KCNK17: variants seen among roughly 807,000 people sequenced by gnomAD.
KCNK17 encodes potassium channel subfamily K member 17.
KCNK17 carries 27 observed loss-of-function variants against 24.6 expected under a neutral mutation model. The ratio of observed to expected loss-of-function variants is 1.10; its 90% CI spans 0.81 to 1.51. KCNK17 has a LOEUF of 1.51. KCNK17 is among the 40% of genes most tolerant of loss of function. The pLI is 0.00. For synonymous variants in KCNK17, 181 were observed against 189.8 expected, an observed-to-expected ratio of 0.95 and a Z score of 0.38; for missense variants, 450 against 436.6, an observed-to-expected ratio of 1.03 and a Z score of -0.27.
Position 39,299,595 on chromosome 6 carries a change from G to A in KCNK17, c.831C>T (p.Cys277=), listed in dbSNP as rs963168160. The A allele has an allele frequency of 1.2e-6, 2 of 1,614,002 alleles. No individual in the cohort carries two copies. Among genetic ancestry groups the A allele is most frequent in the African/African-American group, 2.7e-5 (2 of 74,892 alleles). The stretch of plus-strand genomic sequence containing the variant: ...TGAAGTCTTCCTTAGAGCTGTGGTG[G>A]CAGCAGGAACATACCCTCCCTGGCG... The part of the protein sequence containing the change: ...LETPGRVCSC[C]HHSSKEDFKS... The change falls in exon 5 of 5, where the codon TGC becomes TGT. Residue 277 remains cysteine (C), a synonymous_variant. Coordinates refer to ENST00000373231, the MANE Select transcript of KCNK17 (RefSeq NM_031460.4).
chr6:39,301,973 C>T (rs1761958553), intron 4 of KCNK17, among the ~76,000 whole-genome samples: 1 of 152,194 alleles, frequency 6.6e-6, no homozygotes, highest in Non-Finnish European at 1.5e-5. Flanking sequence ...GTGAAGGGCC[C>T]AGGCTTGGGA....
In KCNK17 at chr6:39,299,705, A is replaced by G. The variant is rs1583762290; in HGVS notation, c.721T>C (p.Tyr241His). 1.2e-6 allele frequency: 2 copies of G among 1,613,990 alleles called. No homozygotes were observed. The highest frequency in any genetic ancestry group is 2.7e-5 in the African/African-American group (2 of 74,912). The part of the protein sequence containing the change: ...MNPSQRYPLW[Y>H]KNMVSLWILF... ...ATCCACAGGGACACCATGTTCTTGT[A>G]CCACAGTGGGTACCTCTGGGAGGGG... Residue 241 changes from tyrosine (Y) to histidine (H), a missense_variant, in exon 5 of 5, where the codon TAC becomes CAC. By Grantham distance (83) the Tyr-to-His change is moderately conservative. Coordinates refer to ENST00000373231, the MANE Select transcript of KCNK17 (RefSeq NM_031460.4).
At chr6:39,313,993 GC>G in intron 1 of KCNK17, 90 bp downstream of exon 1, 2 of 973,204 alleles carry the variant, frequency 2.1e-6, no homozygotes. Context: ...CCTGACCAGG[GC>G]CTGAATAGGC....
At chr6:39,301,581 G>T (rs1761951612) in intron 4 of KCNK17, among the ~76,000 whole-genome samples, 1 of 152,254 alleles carries the variant, frequency 6.6e-6, no homozygotes, top group Admixed American at 6.5e-5. Context: ...AGCTTGGCTT[G>T]CTCCTGGTGA....
chr6:39,303,162 C>A (rs1226057668), intron 4 of KCNK17, among the ~76,000 whole-genome samples: 1 of 152,208 alleles, frequency 6.6e-6, no homozygotes, highest in Non-Finnish European at 1.5e-5. Context: ...TTCTTCCAGG[C>A]TGGGTTCTGT....
At position 39,299,096 on chromosome 6, in the gene KCNK17, GACTCTTCCTATC is replaced by G; in HGVS notation, c.*319_*330del. On this transcript the variant is annotated 3_prime_UTR_variant, in exon 5 of 5. Transcript: ENST00000373231. ...TGGCTCTGTGATCATCAGAGATCCA[GACTCTTCCTATC>G]TTATTGTGCCGCTCAAACATTGCCG... 3.2e-6 allele frequency: 1 copy of G among 311,726 alleles called. No individual in the cohort carries two copies. The highest frequency in any genetic ancestry group is 2.1e-5 in the African/African-American group (1 of 47,700). 19.3% of individuals were successfully genotyped at this position (311,726 alleles called of 1,614,324 possible). A position where few individuals can be genotyped will look rare whatever the true frequency, so the allele number is the denominator to read the frequency against.
At chr6:39,304,934 C>T (rs1762010405) in intron 2 of KCNK17, among the ~76,000 whole-genome samples, 1 of 152,248 alleles carries the variant, frequency 6.6e-6, no homozygotes, top group Non-Finnish European at 1.5e-5. Context: ...AAGCTGCATG[C>T]ATGAGCTCAA....
intron 1 of KCNK17, among the ~76,000 whole-genome samples, chr6:39,313,667 G>C (rs28680400): frequency 0.018 from 2,758 of 152,300 alleles, 74 homozygotes; most frequent in African/African-American, 0.058. Flanking sequence ...TGCCACGGGT[G>C]CGGGTGCGAC....
At chr6:39,308,163 G>A (rs1195438215) in intron 2 of KCNK17, among the ~76,000 whole-genome samples, 1 of 152,168 alleles carries the variant, frequency 6.6e-6, no homozygotes, top group Non-Finnish European at 1.5e-5. Flanking sequence ...CCTCACACTA[G>A]AATGTCAGCT....
intron 1 of KCNK17, 82 bp downstream of exon 1, chr6:39,313,988 CCAGGGCCTGAATAG>C: frequency 1.1e-6 from 1 of 932,144 alleles, no homozygotes. Flanking sequence ...AAACACCTGA[CCAGGGCCTGAATAG>C]GCCCCCTCGC....
In KCNK17 at chr6:39,299,611, C is replaced by A. The variant is rs747419286; in HGVS notation, c.815G>T (p.Arg272Met). 2 of 1,614,164 alleles carry A rather than the reference C, an allele frequency of 1.2e-6. No individual in the cohort carries two copies. The highest frequency in any genetic ancestry group is 3.3e-5 in the Admixed American group (2 of 60,016). ...GCTGTGGTGGCAGCAGGAACATACC[C>A]TCCCTGGCGTCTCCAGCTGGGAGAG... ...LILSQLETPG[R>M]VCSCCHHSSK... The change falls in exon 5 of 5, where the codon AGG (arginine) becomes ATG (methionine). Residue 272 changes from arginine to methionine, a missense_variant. Coordinates refer to ENST00000373231, the MANE Select transcript of KCNK17 (RefSeq NM_031460.4).
At chr6:39,310,092 C>A (rs1268591912) in intron 2 of KCNK17, among the ~76,000 whole-genome samples, 1 of 152,164 alleles carries the variant, frequency 6.6e-6, no homozygotes, top group African/African-American at 2.4e-5. Flanking sequence ...GAGGCGGTAG[C>A]CCAAGTCACC....
chr6:39,306,337 C>T (rs1318610026), intron 2 of KCNK17, among the ~76,000 whole-genome samples: 1 of 152,210 alleles, frequency 6.6e-6, no homozygotes, highest in South Asian at 2.1e-4. Flanking sequence ...AGCCACCGCA[C>T]CCGGCCTGGG....
At chr6:39,306,045 C>CT (rs35104496) in intron 2 of KCNK17, among the ~76,000 whole-genome samples, 29,822 of 139,516 alleles carry the variant, frequency 0.21, 3,531 homozygotes, top group East Asian at 0.38. Flanking sequence ...GGGACTGGGT[C>CT]TTTTTTTTTT....
intron 2 of KCNK17, among the ~76,000 whole-genome samples, chr6:39,305,275 A>T (rs1022268841): frequency 2.0e-5 from 3 of 152,180 alleles, no homozygotes; most frequent in African/African-American, 7.2e-5. Flanking sequence ...TTTCATAGGT[A>T]TCAGGCCTGC....
At chr6:39,305,298 G>A (rs568737785) in intron 2 of KCNK17, among the ~76,000 whole-genome samples, 5 of 152,334 alleles carry the variant, frequency 3.3e-5, no homozygotes, top group Admixed American at 2.0e-4. Context: ...GCAGTCTGAG[G>A]CTTTTGACAT....
chr6:39,299,966 T>C (rs1186527653), intron 4 of KCNK17, among the ~76,000 whole-genome samples: 2 of 152,168 alleles, frequency 1.3e-5, no homozygotes, highest in Non-Finnish European at 2.9e-5. Context: ...TCTGAGGGAA[T>C]CTGTTTATGC....
At chr6:39,301,568 G>A (rs924575736) in intron 4 of KCNK17, among the ~76,000 whole-genome samples, 5 of 152,366 alleles carry the variant, frequency 3.3e-5, no homozygotes, top group Middle Eastern at 3.4e-3. Flanking sequence ...CCTGCCACCC[G>A]CCAGCTTGGC....
chr6:39,307,237 A>C (rs532884860), intron 2 of KCNK17, among the ~76,000 whole-genome samples: 1 of 152,300 alleles, frequency 6.6e-6, no homozygotes, highest in East Asian at 1.9e-4. Context: ...TGAGCTTGCA[A>C]GCATCTGGTA....
Sources: gnomAD v4.1 joint callset for allele counts (sites outside exome capture counted in the v4.1 genomes callset) on GRCh38, gnomAD v4.1.1 for gene constraint, MANE v1.5 for transcripts, NCBI Gene and HGNC (gene_info 2026-07-23, HGNC 2026-07-21) for gene names.